SMOC2: variants seen among roughly 807,000 people sequenced by gnomAD.
SMOC2 encodes SPARC related modular calcium binding 2.
SMOC2 carries 39 observed loss-of-function variants against 61.4 expected under a neutral mutation model. The ratio of observed to expected loss-of-function variants is 0.64; its 90% CI spans 0.49 to 0.83. SMOC2 has a LOEUF of 0.83. Ranked by LOEUF, SMOC2 falls within the 40% of genes least tolerant of loss-of-function variation. SMOC2 has a pLI of 0.00. For missense variants in SMOC2, 556 were observed against 592.9 expected (o/e 0.94, Z 0.65); for synonymous variants, 247 against 239.9 (o/e 1.03, Z -0.27).
chr6:168,445,744 A>G (rs1348398261), intron 1 of SMOC2, among the ~76,000 whole-genome samples: 1 of 152,222 alleles, frequency 6.6e-6, no homozygotes, highest in Non-Finnish European at 1.5e-5. Flanking sequence ...AGAGAACTAA[A>G]CATAATCAAA....
chr6:168,622,027 A>G (rs969246701), intron 9 of SMOC2, among the ~76,000 whole-genome samples: 5 of 151,810 alleles, frequency 3.3e-5, no homozygotes, highest in Non-Finnish European at 5.9e-5. Flanking sequence ...GAGCAGTGGC[A>G]TGATCTCGGC....
chr6:168,529,085 T>C (rs1203611140), intron 4 of SMOC2, among the ~76,000 whole-genome samples: 1 of 152,202 alleles, frequency 6.6e-6, no homozygotes, highest in African/African-American at 2.4e-5. Flanking sequence ...ATGTGCAAAA[T>C]TGGCTGAATT....
intron 1 of SMOC2, among the ~76,000 whole-genome samples, chr6:168,485,097 A>G (rs574908897): frequency 2.3e-4 from 35 of 152,324 alleles, no homozygotes; most frequent in Middle Eastern, 6.8e-3. Context: ...AAGATGGTAC[A>G]TTTTATGTTA....
chr6:168,479,460 T>C (rs1782161136), intron 1 of SMOC2, among the ~76,000 whole-genome samples: 1 of 152,224 alleles, frequency 6.6e-6, no homozygotes, highest in Non-Finnish European at 1.5e-5. Context: ...TATTCCCACC[T>C]AGATAACAGT....
At chr6:168,538,232 G>C (rs1783784127) in intron 4 of SMOC2, among the ~76,000 whole-genome samples, 1 of 148,682 alleles carries the variant, frequency 6.7e-6, no homozygotes, top group African/African-American at 2.5e-5. Flanking sequence ...TGGAATCTGG[G>C]GGAGCGGGGT....
At chr6:168,533,703 C>A (rs553206686) in intron 4 of SMOC2, among the ~76,000 whole-genome samples, 2 of 152,164 alleles carry the variant, frequency 1.3e-5, no homozygotes, top group Admixed American at 1.3e-4. Flanking sequence ...CACCTCAAAA[C>A]GGCTTTTTCT....
intron 11 of SMOC2, among the ~76,000 whole-genome samples, chr6:168,656,528 AAAG>A (rs1260308340): frequency 6.5e-5 from 9 of 137,426 alleles, no homozygotes; most frequent in East Asian, 4.4e-4. Context: ...AAAAAAAAAA[AAAG>A]AAAAGAAAAG....
chr6:168,562,503 G>A (rs1287887722), intron 7 of SMOC2, among the ~76,000 whole-genome samples: 2 of 152,182 alleles, frequency 1.3e-5, no homozygotes, highest in East Asian at 3.8e-4. Flanking sequence ...TGCGTTTTCG[G>A]AGGAGGTGTT....
chr6:168,552,286 T>C (rs755720347), intron 7 of SMOC2, among the ~76,000 whole-genome samples: 2 of 152,230 alleles, frequency 1.3e-5, no homozygotes, highest in Non-Finnish European at 2.9e-5. Flanking sequence ...CATTTATACT[T>C]AATTTTAATT....
intron 7 of SMOC2, among the ~76,000 whole-genome samples, chr6:168,596,658 G>T (rs1346219469): frequency 6.6e-6 from 1 of 152,254 alleles, no homozygotes; most frequent in African/African-American, 2.4e-5. Flanking sequence ...ACAACCTCCA[G>T]AAACATTTCG....
At chr6:168,521,612 G>A (rs961239908) in intron 2 of SMOC2, among the ~76,000 whole-genome samples, 3 of 152,216 alleles carry the variant, frequency 2.0e-5, no homozygotes, top group African/African-American at 7.2e-5. Context: ...GTTAGGGCTA[G>A]GCGTGGGGGC....
At chr6:168,601,242 G>A (rs555421522) in intron 8 of SMOC2, among the ~76,000 whole-genome samples, 15 of 152,342 alleles carry the variant, frequency 9.8e-5, no homozygotes, top group Non-Finnish European at 1.6e-4. Context: ...CGTCTGGCCC[G>A]CTGGGAGTCC....
At chr6:168,592,419 C>CCAG in intron 7 of SMOC2, among the ~76,000 whole-genome samples, 1 of 117,350 alleles carries the variant, frequency 8.5e-6, no homozygotes, top group Non-Finnish European at 1.8e-5. Flanking sequence ...TGAGGCCTCA[C>CCAG]GAGCATCTTT....
chr6:168,527,754 G>A, intron 4 of SMOC2, 27 bp downstream of exon 4: 1 of 1,400,576 alleles, frequency 7.1e-7, no homozygotes, highest in Non-Finnish European at 9.9e-7. Flanking sequence ...TTTCCAAGTG[G>A]AAGGCTTGAA....
intron 1 of SMOC2, among the ~76,000 whole-genome samples, chr6:168,464,198 A>G (rs1781774613): frequency 6.6e-6 from 1 of 151,402 alleles, no homozygotes; most frequent in South Asian, 2.1e-4. Flanking sequence ...AAAAAAAAAA[A>G]AAAAGAGGAA....
intron 9 of SMOC2, among the ~76,000 whole-genome samples, chr6:168,630,753 C>T (rs1052161009): frequency 3.9e-5 from 6 of 152,182 alleles, no homozygotes; most frequent in East Asian, 3.9e-4. Flanking sequence ...AGAGAATGTG[C>T]GCTTGCGGGT....
At chr6:168,560,753 T>C (rs1784399789) in intron 7 of SMOC2, among the ~76,000 whole-genome samples, 1 of 38,224 alleles carries the variant, frequency 2.6e-5, no homozygotes, top group Non-Finnish European at 4.7e-5. Context: ...GTCATTTTCC[T>C]GCCCTGAGAC....
chr6:168,653,121 T>C lies in SMOC2; in HGVS notation c.1178T>C (p.Val393Ala). 6.2e-7 allele frequency: 1 copy of C among 1,614,208 alleles called. No individual in the cohort carries two copies. The highest frequency in any genetic ancestry group is 1.1e-5 in the South Asian group (1 of 91,076). Residue 393 changes from valine (V) to alanine (A), a missense_variant, in exon 11 of 13, where the codon GTT (valine) becomes GCT (alanine). Coordinates refer to ENST00000356284, the MANE Select transcript of SMOC2 (RefSeq NM_001166412.2). ...CCCAAAAAATGTGTGAAGAAGTTTG[T>C]TGAATACTGTGACGTGAATAATGAC... ...SKPKKCVKKF[V>A]EYCDVNNDKS...
chr6:168,548,869 A>G (rs569366774), intron 6 of SMOC2, among the ~76,000 whole-genome samples: 21 of 152,240 alleles, frequency 1.4e-4, no homozygotes, highest in Non-Finnish European at 2.9e-4. Context: ...TGATTCTTTC[A>G]AAGTGAATTC....
Sources: gnomAD v4.1 joint callset for allele counts (sites outside exome capture counted in the v4.1 genomes callset) on GRCh38, gnomAD v4.1.1 for gene constraint, MANE v1.5 for transcripts, NCBI Gene and HGNC (gene_info 2026-07-23, HGNC 2026-07-21) for gene names.